The following CCDC171 variants were observed in gnomAD, a reference collection of about 807,000 sequenced individuals.
CCDC171 encodes coiled-coil domain-containing protein 171.
A neutral mutation model predicts 168.2 loss-of-function variants in CCDC171; 177 were observed. The ratio of observed to expected loss-of-function variants is 1.05; its 90% confidence interval spans 0.93 to 1.19. The LOEUF is 1.19. CCDC171 is among the 50% of genes most tolerant of loss of function. The pLI is 0.00. For synonymous variants in CCDC171, 687 were observed against 540.8 expected, an observed-to-expected ratio of 1.27 and a Z score of -3.75; for missense variants, 1,991 against 1,539.0, an observed-to-expected ratio of 1.29 and a Z score of -4.91.
intron 16 of CCDC171, among the ~76,000 whole-genome samples, chr9:15,731,484 CAATATT>C (rs1035745253): frequency 8.5e-5 from 13 of 152,090 alleles, no homozygotes; most frequent in Admixed American, 7.2e-4. Flanking sequence ...TAATTTCACT[CAATATT>C]AATGTTCCGA....
intron 21 of CCDC171, among the ~76,000 whole-genome samples, chr9:15,818,089 G>A (rs1290446401): frequency 8.5e-6 from 1 of 117,752 alleles, no homozygotes; most frequent in African/African-American, 3.2e-5. Flanking sequence ...AACAGGGTCT[G>A]GAGTGGACCT....
intron 24 of CCDC171, among the ~76,000 whole-genome samples, chr9:15,893,232 T>G (rs1006591418): frequency 3.3e-5 from 5 of 152,178 alleles, no homozygotes; most frequent in Non-Finnish European, 7.3e-5. Flanking sequence ...GCTAGCCATA[T>G]GCAAAATATT....
chr9:15,745,651 G>T lies in CCDC171; in HGVS notation c.2671+20G>T. 1 of 1,415,340 alleles carries T rather than the reference G, an allele frequency of 7.1e-7. No homozygotes were observed. The highest frequency in any genetic ancestry group is 9.6e-7 in the Non-Finnish European group (1 of 1,039,622). The allele number at this position is 1,415,340 out of a possible 1,614,324, so 87.7% of individuals were successfully genotyped here. On this transcript the variant is annotated intron_variant, in intron 18 of 25. Coordinates refer to ENST00000380701, the MANE Select transcript of CCDC171 (RefSeq NM_173550.4). ...AAGCAGGTATGGTTCCTTCTTTTAT[G>T]TCCTTGCAAAATACATTTAAGAACA...
chr9:15,999,454 C>G (rs1168242200), intron 3 of CCDC171, among the ~76,000 whole-genome samples: 1 of 151,884 alleles, frequency 6.6e-6, no homozygotes, highest in Non-Finnish European at 1.5e-5. Flanking sequence ...AGAAAGAAAA[C>G]CTGCTGACAG....
intron 18 of CCDC171, among the ~76,000 whole-genome samples, chr9:15,763,706 A>G (rs915943923): frequency 2.6e-5 from 4 of 152,156 alleles, no homozygotes; most frequent in African/African-American, 9.7e-5. Flanking sequence ...TGCTCAGCAT[A>G]ATGTTTTTGA....
chr9:15,824,540 C>T (rs1012646944), intron 21 of CCDC171, among the ~76,000 whole-genome samples: 2 of 151,960 alleles, frequency 1.3e-5, no homozygotes, highest in African/African-American at 4.8e-5. Flanking sequence ...TTCACATGAT[C>T]TCCTGGTCTG....
intron 5 of CCDC171, among the ~76,000 whole-genome samples, chr9:15,592,459 T>A (rs11999047): frequency 0.025 from 3,790 of 152,280 alleles, 147 homozygotes; most frequent in African/African-American, 0.087. Context: ...CTAAAATTAA[T>A]TACACAAAAG....
intron 16 of CCDC171, among the ~76,000 whole-genome samples, chr9:15,731,074 A>G (rs879860698): frequency 1.3e-5 from 2 of 152,090 alleles, no homozygotes; most frequent in Non-Finnish European, 2.9e-5. Flanking sequence ...TGTTGGGAAC[A>G]TTTCAAATCT....
At chr9:16,059,539 G>A (rs1171433343) in intron 1 of CCDC171, among the ~76,000 whole-genome samples, 1 of 116,258 alleles carries the variant, frequency 8.6e-6, no homozygotes, top group Non-Finnish European at 1.6e-5. Context: ...ACGGAGTCTC[G>A]CTCTGTCGCC....
At chr9:15,628,175 C>T (rs981848058) in intron 7 of CCDC171, among the ~76,000 whole-genome samples, 5 of 152,178 alleles carry the variant, frequency 3.3e-5, no homozygotes, top group South Asian at 2.1e-4. Flanking sequence ...AGACAGTGGG[C>T]GCAGGACAGT....
At chr9:16,043,293 C>A (rs76047236) in intron 1 of CCDC171, among the ~76,000 whole-genome samples, 2 of 151,834 alleles carry the variant, frequency 1.3e-5, no homozygotes, top group Non-Finnish European at 2.9e-5. Context: ...TGTGTTAATG[C>A]CATTAGTGTA....
chr9:15,762,347 A>G (rs1239663661), intron 18 of CCDC171, among the ~76,000 whole-genome samples: 1 of 152,154 alleles, frequency 6.6e-6, no homozygotes, highest in African/African-American at 2.4e-5. Flanking sequence ...GCTTATAGGT[A>G]TTTGCAAAAT....
intron 10 of CCDC171, among the ~76,000 whole-genome samples, chr9:15,679,344 G>C (rs540740378): frequency 1.5e-4 from 23 of 152,192 alleles, no homozygotes; most frequent in Admixed American, 5.9e-4. Context: ...ATATTGATCT[G>C]TTTTTGTTAA....
rs1418358123 is a variant in CCDC171, at chr9:15,713,306, A to T, written c.1319-8463A>T. 1.9e-4 allele frequency among the ~76,000 whole-genome samples: 18 copies of T among 92,508 alleles called. No individual in the cohort carries two copies. The East Asian group carries it at 5.8e-3, about 30-fold the overall frequency. 60.7% of individuals were successfully genotyped at this position (92,508 alleles called of 152,430 possible). On this transcript the variant is annotated intron_variant, in intron 11 of 25. Transcript: ENST00000380701. ...CCATAACATACAGAACCATCTATAA[A>T]CCAAGCCCATTTTTTTTTTTTTCTA... is the stretch of plus-strand genomic sequence containing the variant.
At chr9:15,878,266 C>T (rs1302779628) in intron 24 of CCDC171, among the ~76,000 whole-genome samples, 1 of 151,842 alleles carries the variant, frequency 6.6e-6, no homozygotes, top group African/African-American at 2.4e-5. Flanking sequence ...CTATAAGGAA[C>T]TTAAATTTAC....
chr9:15,597,782 T>C (rs950982757), intron 6 of CCDC171, among the ~76,000 whole-genome samples: 2 of 152,126 alleles, frequency 1.3e-5, no homozygotes, highest in Non-Finnish European at 2.9e-5. Context: ...TTCTGGACTT[T>C]TTTTGGTTGG....
At chr9:16,058,432 C>T (rs544598010) in intron 1 of CCDC171, among the ~76,000 whole-genome samples, 4 of 152,290 alleles carry the variant, frequency 2.6e-5, no homozygotes, top group South Asian at 2.1e-4. Context: ...CAGGTATCCT[C>T]GCCGGCGTGC....
chr9:15,983,660 A>G (rs1341852433), intron 3 of CCDC171, among the ~76,000 whole-genome samples: 1 of 152,122 alleles, frequency 6.6e-6, no homozygotes, highest in Admixed American at 6.6e-5. Context: ...ATACTGTTTG[A>G]GAAATCACTT....
intron 11 of CCDC171, among the ~76,000 whole-genome samples, chr9:15,701,608 A>C (rs374698285): frequency 8.3e-4 from 113 of 136,306 alleles, no homozygotes; most frequent in African/African-American, 2.8e-3. Flanking sequence ...GAGACAGAGT[A>C]TCGCACTGTT....
Sources: gnomAD v4.1 joint callset for allele counts (sites outside exome capture counted in the v4.1 genomes callset) on GRCh38, gnomAD v4.1.1 for gene constraint, MANE v1.5 for transcripts, NCBI Gene and HGNC (gene_info 2026-07-23, HGNC 2026-07-21) for gene names.